PSIP1: variants seen among roughly 807,000 people sequenced by gnomAD.
PSIP1 encodes the protein PC4 and SFRS1-interacting protein.
A neutral mutation model predicts 74.7 loss-of-function variants in PSIP1; 19 were observed. That is an observed-to-expected ratio of 0.25 (90% CI 0.18 to 0.37). The LOEUF is 0.37. PSIP1 is among the 10% of genes least tolerant of loss of function. The pLI, the probability that PSIP1 is intolerant of heterozygous loss-of-function variation, is 1.00. For synonymous variants in PSIP1, 222 were observed against 195.3 expected, an observed-to-expected ratio of 1.14 and a Z score of -1.14; for missense variants, 601 against 614.3, an observed-to-expected ratio of 0.98 and a Z score of 0.23.
At chr9:15,495,307 T>C (rs953636279) in intron 3 of PSIP1, among the ~76,000 whole-genome samples, 38 of 147,962 alleles carry the variant, frequency 2.6e-4, no homozygotes, top group Non-Finnish European at 5.4e-4. Flanking sequence ...AAAAGATAAA[T>C]TTTTTTACAT....
At chr9:15,508,341 C>A (rs563031106) in intron 2 of PSIP1, among the ~76,000 whole-genome samples, 1 of 152,232 alleles carries the variant, frequency 6.6e-6, no homozygotes, top group South Asian at 2.1e-4. Context: ...TACACCAACA[C>A]TAAATGGAGG....
intron 2 of PSIP1, among the ~76,000 whole-genome samples, chr9:15,509,886 T>C (rs1310938069): frequency 6.6e-6 from 1 of 152,188 alleles, no homozygotes; most frequent in East Asian, 1.9e-4. Flanking sequence ...AGAAAATCTG[T>C]CCAAGTCTGC....
intron 2 of PSIP1, among the ~76,000 whole-genome samples, chr9:15,507,956 A>G (rs1273228829): frequency 6.6e-6 from 1 of 152,246 alleles, no homozygotes; most frequent in Non-Finnish European, 1.5e-5. Flanking sequence ...GAATGTCCCG[A>G]TAATTGCAAA....
intron 3 of PSIP1, among the ~76,000 whole-genome samples, chr9:15,500,497 T>C (rs1272195189): frequency 5.9e-5 from 9 of 151,844 alleles, no homozygotes; most frequent in African/African-American, 1.9e-4. Context: ...GAATAAACAG[T>C]TCATCTCATT....
At chr9:15,494,565 CAAAAAAAA>C (rs57170853) in intron 3 of PSIP1, among the ~76,000 whole-genome samples, 6 of 37,562 alleles carry the variant, frequency 1.6e-4, no homozygotes, top group South Asian at 1.4e-3. Flanking sequence ...AACTGCATCT[CAAAAAAAA>C]AAAAAAAAAA....
intron 3 of PSIP1, among the ~76,000 whole-genome samples, chr9:15,495,388 T>C (rs938697519): frequency 9.9e-5 from 15 of 152,092 alleles, no homozygotes; most frequent in African/African-American, 3.1e-4. Flanking sequence ...TAATAATCAA[T>C]GGGAAAAGTT....
intron 3 of PSIP1, among the ~76,000 whole-genome samples, chr9:15,504,331 GGTTTA>G (rs1328610752): frequency 6.7e-6 from 1 of 149,194 alleles, no homozygotes; most frequent in Non-Finnish European, 1.5e-5. Context: ...AGTTTGTTTT[GGTTTA>G]AAGTGTACAT....
chr9:15,490,124 A>AGT lies in PSIP1; in HGVS notation c.150-1_150insAC (p.Ala51LeufsTer4). The AGT allele has an allele frequency of 6.3e-7, 1 of 1,575,186 alleles. No individual in the cohort carries two copies. The highest frequency in any genetic ancestry group is 1.4e-5 in the African/African-American group (1 of 72,800). On this transcript the variant is annotated frameshift_variant and splice_region_variant. Transcript: ENST00000380733. LOFTEE classifies it high-confidence loss of function. Reference sequence around the variant, plus strand: ...ATATATCCTTTGGTCCTAAAAAAGCACTAAAAAAGAAGTGGGGAAGATGTG... The same window carrying AGT: ...ATATATCCTTTGGTCCTAAAAAAGCAGTCTAAAAAAGAAGTGGGGAAGATGTG...
chr9:15,481,172 T>A (rs2036319195), intron 6 of PSIP1, among the ~76,000 whole-genome samples: 1 of 152,190 alleles, frequency 6.6e-6, no homozygotes, highest in African/African-American at 2.4e-5. Context: ...CCTGCCCCAA[T>A]CCTGATTCAA....
At chr9:15,466,523 C>T (rs569794682) in intron 15 of PSIP1, among the ~76,000 whole-genome samples, 22 of 152,334 alleles carry the variant, frequency 1.4e-4, no homozygotes, top group Admixed American at 2.0e-4. Context: ...TTCTTTTTAA[C>T]TGGGTTCCCA....
intron 3 of PSIP1, among the ~76,000 whole-genome samples, chr9:15,493,264 C>A (rs1371899980): frequency 6.6e-6 from 1 of 152,216 alleles, no homozygotes; most frequent in African/African-American, 2.4e-5. Context: ...AGCCACCAGT[C>A]TCCCTGCTAG....
chr9:15,483,996 T>A (rs1261452856), intron 6 of PSIP1, among the ~76,000 whole-genome samples: 1 of 150,334 alleles, frequency 6.7e-6, no homozygotes, highest in Non-Finnish European at 1.5e-5. Context: ...GGCGTGGTGG[T>A]GCACGTCTGT....
At chr9:15,508,814 T>G (rs939637211) in intron 2 of PSIP1, among the ~76,000 whole-genome samples, 4 of 152,164 alleles carry the variant, frequency 2.6e-5, no homozygotes, top group Non-Finnish European at 5.9e-5. Flanking sequence ...TCTCACAATA[T>G]ATTTGGAGGT....
At chr9:15,466,901 A>T in intron 14 of PSIP1, 42 bp from the exon 15 acceptor site, 1 of 1,482,276 alleles carries the variant, frequency 6.7e-7, no homozygotes, top group Non-Finnish European at 9.4e-7. Context: ...TAAAGCTTAC[A>T]AAACAATAAT....
At chr9:15,507,218 T>C (rs2037633366) in intron 2 of PSIP1, among the ~76,000 whole-genome samples, 1 of 152,266 alleles carries the variant, frequency 6.6e-6, no homozygotes, top group Non-Finnish European at 1.5e-5. Flanking sequence ...TTCACTGCTC[T>C]TTCAACCTTT....
chr9:15,469,880 C>T, intron 11 of PSIP1, 58 bp downstream of exon 11: 1 of 1,404,782 alleles, frequency 7.1e-7, no homozygotes, highest in African/African-American at 1.4e-5. Flanking sequence ...AAAGTTATGT[C>T]TATATAACTT....
intron 3 of PSIP1, among the ~76,000 whole-genome samples, chr9:15,499,092 A>G (rs2037213309): frequency 6.6e-6 from 1 of 152,230 alleles, no homozygotes; most frequent in Non-Finnish European, 1.5e-5. Context: ...TTTAAAGATG[A>G]GAAAATTGAA....
intron 3 of PSIP1, chr9:15,505,653 TATACTAAAATCTACTAA>T (rs2037554333): frequency 6.8e-6 from 1 of 146,974 alleles, no homozygotes; most frequent in South Asian, 2.4e-4. Context: ...TGATAGTCAA[TATACTAAAATCTACTAA>T]ATATACTAAA....
intron 3 of PSIP1, chr9:15,492,338 GCC>G (rs2036869486): frequency 6.6e-6 from 1 of 152,218 alleles, no homozygotes; most frequent in Non-Finnish European, 1.5e-5. Flanking sequence ...GGGGCTACAG[GCC>G]CCATGCCAAG....
Sources: gnomAD v4.1 joint callset for allele counts (sites outside exome capture counted in the v4.1 genomes callset) on GRCh38, gnomAD v4.1.1 for gene constraint, MANE v1.5 for transcripts, NCBI Gene and HGNC (gene_info 2026-07-23, HGNC 2026-07-21) for gene names.